CTNNA3: variants seen among roughly 807,000 people sequenced by gnomAD.
CTNNA3 encodes catenin alpha 3.
A neutral mutation model predicts 95.7 loss-of-function variants in CTNNA3; 76 were observed. That is an observed-to-expected ratio of 0.79 (90% CI 0.66 to 0.96). CTNNA3 has a LOEUF of 0.96. Ranked by LOEUF, CTNNA3 falls within the 40% of genes least tolerant of loss-of-function variation. The probability of loss-of-function intolerance (pLI) is 0.00; values close to 1 mark genes in which losing one functional copy is unlikely to be tolerated. For missense variants in CTNNA3, 1,191 were observed against 1,089.8 expected (o/e 1.09, Z -1.31); for synonymous variants, 431 against 374.4 (o/e 1.15, Z -1.74).
At chr10:66,222,224 T>G (rs2088971017) in intron 13 of CTNNA3, among the ~76,000 whole-genome samples, 1 of 152,188 alleles carries the variant, frequency 6.6e-6, no homozygotes, top group African/African-American at 2.4e-5. Context: ...TCTACATCAC[T>G]TTTTGTTTTT....
intron 17 of CTNNA3, among the ~76,000 whole-genome samples, chr10:65,961,177 ACT>A (rs2077834310): frequency 6.6e-6 from 1 of 151,504 alleles, no homozygotes; most frequent in Admixed American, 6.6e-5. Flanking sequence ...GCTTTTGGTG[ACT>A]CTGTCTGCTC....
Position 66,448,808 on chromosome 10 carries a change from C to T in CTNNA3, c.1532-69456G>A, listed in dbSNP as rs532833656. ...AAACCTGCATATTGTCCACATGTAC[C>T]CTAAAACTTAAAGTGTAATAATAAT... On this transcript the variant is annotated intron_variant, in intron 11 of 17. Coordinates refer to ENST00000433211, the MANE Select transcript of CTNNA3 (RefSeq NM_013266.4). 2.6e-5 allele frequency among the ~76,000 whole-genome samples: 4 copies of T among 151,252 alleles called. No individual in the cohort carries two copies. In the South Asian group the frequency reaches 8.4e-4, roughly 32 times the overall value.
intron 7 of CTNNA3, among the ~76,000 whole-genome samples, chr10:66,948,205 A>G (rs1280969292): frequency 3.9e-5 from 6 of 152,202 alleles, no homozygotes; most frequent in Non-Finnish European, 7.3e-5. Flanking sequence ...AAATTCTCAA[A>G]TTATGCCCAC....
At chr10:66,925,748 C>T (rs1847030059) in intron 7 of CTNNA3, among the ~76,000 whole-genome samples, 1 of 152,208 alleles carries the variant, frequency 6.6e-6, no homozygotes, top group African/African-American at 2.4e-5. Context: ...AACTTAATGT[C>T]AAGCTCCAGA....
At chr10:65,989,646 G>C (rs1162786779) in intron 15 of CTNNA3, among the ~76,000 whole-genome samples, 1 of 152,072 alleles carries the variant, frequency 6.6e-6, no homozygotes, top group Admixed American at 6.5e-5. Context: ...TACATACATA[G>C]AATGTGTAAT....
intron 7 of CTNNA3, among the ~76,000 whole-genome samples, chr10:67,026,234 T>C (rs1334485052): frequency 1.3e-5 from 2 of 151,524 alleles, no homozygotes; most frequent in African/African-American, 4.9e-5. Context: ...ATTGTGCACA[T>C]GTACCCTAAA....
intron 10 of CTNNA3, among the ~76,000 whole-genome samples, chr10:66,593,076 A>C (rs555463455): frequency 6.6e-6 from 1 of 152,304 alleles, no homozygotes; most frequent in South Asian, 2.1e-4. Flanking sequence ...CATATTATGG[A>C]ATAAAACAAA....
intron 10 of CTNNA3, among the ~76,000 whole-genome samples, chr10:66,556,572 A>G (rs1842396717): frequency 6.6e-6 from 1 of 152,074 alleles, no homozygotes; most frequent in African/African-American, 2.4e-5. Flanking sequence ...GCTATTTTCA[A>G]CAACATGAAT....
chr10:66,671,045 G>A (rs1198173547), intron 9 of CTNNA3, among the ~76,000 whole-genome samples: 1 of 152,186 alleles, frequency 6.6e-6, no homozygotes, highest in Non-Finnish European at 1.5e-5. Flanking sequence ...GGGAGAAGCT[G>A]TTTAAACAAA....
intron 9 of CTNNA3, among the ~76,000 whole-genome samples, chr10:66,626,063 G>T (rs941133750): frequency 9.9e-5 from 15 of 152,086 alleles, no homozygotes; most frequent in Non-Finnish European, 1.5e-4. Flanking sequence ...TTCTAATCTG[G>T]TAAAGATATT....
At chr10:66,001,823 A>T (rs2078775543) in intron 15 of CTNNA3, among the ~76,000 whole-genome samples, 1 of 152,156 alleles carries the variant, frequency 6.6e-6, no homozygotes, top group Admixed American at 6.5e-5. Context: ...AGATAACATC[A>T]ACTGAATGGA....
At chr10:66,003,701 T>C (rs981302952) in intron 15 of CTNNA3, among the ~76,000 whole-genome samples, 4 of 152,228 alleles carry the variant, frequency 2.6e-5, no homozygotes, top group Non-Finnish European at 5.9e-5. Flanking sequence ...TCCAGGACTT[T>C]ATAAGTCTGA....
chr10:66,683,125 A>G (rs1208442635), intron 9 of CTNNA3, among the ~76,000 whole-genome samples: 2 of 152,182 alleles, frequency 1.3e-5, no homozygotes, highest in East Asian at 3.9e-4. Flanking sequence ...TCTTATAAAA[A>G]TCAAGTAAGG....
At chr10:66,436,709 T>C (rs1455677395) in intron 11 of CTNNA3, among the ~76,000 whole-genome samples, 3 of 152,060 alleles carry the variant, frequency 2.0e-5, no homozygotes, top group Non-Finnish European at 4.4e-5. Context: ...TATTGTTACA[T>C]GTGAATTTGA....
chr10:66,803,647 A>G (rs964177377), intron 7 of CTNNA3, among the ~76,000 whole-genome samples: 3 of 152,034 alleles, frequency 2.0e-5, no homozygotes, highest in African/African-American at 7.2e-5. Context: ...CCTTGCATAA[A>G]TATCTCATTT....
At chr10:65,983,181 T>C (rs916021360) in intron 16 of CTNNA3, among the ~76,000 whole-genome samples, 6 of 151,632 alleles carry the variant, frequency 4.0e-5, no homozygotes, top group African/African-American at 1.2e-4. Flanking sequence ...TACAATTAGG[T>C]GGGAATGTCC....
intron 1 of CTNNA3, among the ~76,000 whole-genome samples, chr10:67,664,428 TCTC>T (rs1436230372): frequency 6.6e-6 from 1 of 152,210 alleles, no homozygotes; most frequent in African/African-American, 2.4e-5. Context: ...TCTAATATAC[TCTC>T]CTCATTCCAG....
At chr10:67,075,362 A>AAAAGAGTTACCCT (rs1856694224) in intron 7 of CTNNA3, among the ~76,000 whole-genome samples, 1 of 152,224 alleles carries the variant, frequency 6.6e-6, no homozygotes, top group Admixed American at 6.5e-5. Flanking sequence ...CACCATTAGG[A>AAAAGAGTTACCCT]AAAGAGTTAC....
intron 12 of CTNNA3, among the ~76,000 whole-genome samples, chr10:66,378,748 G>A (rs555361676): frequency 2.0e-4 from 30 of 152,268 alleles, no homozygotes; most frequent in South Asian, 6.2e-4. Flanking sequence ...CTCTGGAAAC[G>A]TAGGACAGAC....
Sources: allele counts gnomAD v4.1 joint callset (sites outside exome capture counted in the v4.1 genomes callset), GRCh38; gene constraint gnomAD v4.1.1; transcripts MANE v1.5; gene names NCBI Gene and HGNC (gene_info 2026-07-23, HGNC 2026-07-21).